The following PPP2R2B variants were observed in gnomAD, a reference collection of about 807,000 sequenced individuals.
The protein encoded by PPP2R2B is protein phosphatase 2 regulatory subunit Bbeta.
In PPP2R2B, 5 loss-of-function variants were observed where a neutral mutation model predicts 46.0. The observed-to-expected ratio is 0.11, with a 90% CI of 0.06 to 0.23. The LOEUF (loss-of-function observed/expected upper bound fraction) is 0.23. PPP2R2B is among the 10% of genes least tolerant of loss of function. The probability of loss-of-function intolerance (pLI) is 1.00; values close to 1 mark genes in which losing one functional copy is unlikely to be tolerated. For missense variants in PPP2R2B, 367 were observed against 575.0 expected (o/e 0.64, Z 3.70); for synonymous variants, 215 against 206.7 (o/e 1.04, Z -0.34).
chr5:146,851,308 T>C (rs1159741585), intron 2 of PPP2R2B, among the ~76,000 whole-genome samples: 1 of 152,174 alleles, frequency 6.6e-6, no homozygotes, highest in South Asian at 2.1e-4. Context: ...GCATATTTAC[T>C]AGATTCCAGG....
At chr5:146,953,417 A>G (rs1167713852) in intron 1 of PPP2R2B, among the ~76,000 whole-genome samples, 3 of 152,144 alleles carry the variant, frequency 2.0e-5, no homozygotes, top group East Asian at 1.9e-4. Context: ...AGCTCCAAAC[A>G]TAGAAGTCAC....
intron 1 of PPP2R2B, chr5:147,054,719 G>T: frequency 2.2e-6 from 1 of 456,130 alleles, no homozygotes; most frequent in South Asian, 1.5e-5. Context: ...TCAGTTCCAA[G>T]AGAGTGTGGC....
intron 5 of PPP2R2B, among the ~76,000 whole-genome samples, chr5:146,690,145 C>T (rs1277490330): frequency 6.6e-6 from 1 of 152,220 alleles, no homozygotes; most frequent in Non-Finnish European, 1.5e-5. Flanking sequence ...AGCAGAGCTG[C>T]TGGTGTCTGA....
intron 1 of PPP2R2B, among the ~76,000 whole-genome samples, chr5:146,917,449 G>C (rs191446905): frequency 6.6e-6 from 1 of 152,282 alleles, no homozygotes; most frequent in East Asian, 1.9e-4. Flanking sequence ...TTATATATGA[G>C]CCTCAGAGCC....
At chr5:146,845,239 G>A (rs2151376192) in intron 2 of PPP2R2B, among the ~76,000 whole-genome samples, 1 of 151,516 alleles carries the variant, frequency 6.6e-6, no homozygotes, top group Admixed American at 6.6e-5. Flanking sequence ...TCATTATCCA[G>A]TATCTCAACC....
At chr5:146,781,319 C>A (rs1273408683) in intron 2 of PPP2R2B, among the ~76,000 whole-genome samples, 3 of 150,796 alleles carry the variant, frequency 2.0e-5, no homozygotes, top group Non-Finnish European at 4.4e-5. Flanking sequence ...ATTATCCTGC[C>A]TCTCTCATAA....
intron 2 of PPP2R2B, among the ~76,000 whole-genome samples, chr5:146,853,627 C>T (rs1760479880): frequency 6.6e-6 from 1 of 152,082 alleles, no homozygotes; most frequent in Non-Finnish European, 1.5e-5. Context: ...TAGTACACTA[C>T]ATGGCACATA....
chr5:147,039,221 T>C (rs1580841929), intron 1 of PPP2R2B, among the ~76,000 whole-genome samples: 2 of 152,132 alleles, frequency 1.3e-5, no homozygotes, highest in East Asian at 3.9e-4. Flanking sequence ...CACCCCTCAG[T>C]CACTGTAATG....
chr5:146,676,743 T>C (rs577025696), intron 5 of PPP2R2B, among the ~76,000 whole-genome samples: 3 of 152,172 alleles, frequency 2.0e-5, no homozygotes, highest in Non-Finnish European at 4.4e-5. Flanking sequence ...AACCATATCT[T>C]TCATGTTCAC....
chr5:146,985,014 T>C (rs989047224), intron 1 of PPP2R2B, among the ~76,000 whole-genome samples: 3 of 138,388 alleles, frequency 2.2e-5, no homozygotes, highest in Non-Finnish European at 4.6e-5. Context: ...ATATTTTCTT[T>C]TTCTTTTTTT....
At chr5:146,706,809 T>A in intron 2 of PPP2R2B, 1 of 893,272 alleles carries the variant, frequency 1.1e-6, no homozygotes, top group Non-Finnish European at 1.9e-6. Flanking sequence ...CGGTTGGCGA[T>A]CTCCTCGTAC....
intron 2 of PPP2R2B, among the ~76,000 whole-genome samples, chr5:146,866,388 C>T (rs141560613): frequency 2.9e-4 from 44 of 152,268 alleles, no homozygotes; most frequent in Non-Finnish European, 5.6e-4. Context: ...CTGATTGATA[C>T]TGGGAAAGAT....
intron 9 of PPP2R2B, among the ~76,000 whole-genome samples, chr5:146,591,837 T>C (rs1179630602): frequency 6.6e-6 from 1 of 152,180 alleles, no homozygotes. Context: ...TACTTTATCT[T>C]GCTAAGCCTC....
chr5:146,826,095 C>T (rs1241345438), intron 2 of PPP2R2B, among the ~76,000 whole-genome samples: 3 of 152,186 alleles, frequency 2.0e-5, no homozygotes, highest in Non-Finnish European at 2.9e-5. Flanking sequence ...AAGTCTCAGT[C>T]ATCTCTAGGC....
At chr5:146,636,411 T>A (rs932981647) in intron 7 of PPP2R2B, among the ~76,000 whole-genome samples, 3 of 152,222 alleles carry the variant, frequency 2.0e-5, no homozygotes, top group African/African-American at 7.2e-5. Context: ...TGGGTTAAAA[T>A]GTAAAATTCA....
intron 2 of PPP2R2B, among the ~76,000 whole-genome samples, chr5:146,864,839 T>C (rs946213874): frequency 2.6e-5 from 4 of 152,272 alleles, no homozygotes; most frequent in Non-Finnish European, 5.9e-5. Context: ...AGGATAAACT[T>C]AAGCACCTTG....
At chr5:146,856,698 A>G (rs1760691951) in intron 2 of PPP2R2B, 3 of 736,350 alleles carry the variant, frequency 4.1e-6, no homozygotes, top group Non-Finnish European at 7.0e-6. Flanking sequence ...TCTCTTTGGG[A>G]GAGTTTGCTC....
At chr5:147,041,253 A>G (rs1276534037) in intron 1 of PPP2R2B, among the ~76,000 whole-genome samples, 1 of 152,172 alleles carries the variant, frequency 6.6e-6, no homozygotes, top group African/African-American at 2.4e-5. Flanking sequence ...GAGGACTGCC[A>G]AGGGCCAGTG....
At chr5:147,002,766 T>C (rs1754239200) in intron 1 of PPP2R2B, among the ~76,000 whole-genome samples, 1 of 148,710 alleles carries the variant, frequency 6.7e-6, no homozygotes, top group Non-Finnish European at 1.5e-5. Flanking sequence ...GAGATGTTTC[T>C]GCTGCTGCAT....
Sources: allele counts gnomAD v4.1 joint callset (sites outside exome capture counted in the v4.1 genomes callset), GRCh38; gene constraint gnomAD v4.1.1; transcripts MANE v1.5; gene names NCBI Gene and HGNC (gene_info 2026-07-23, HGNC 2026-07-21).